Variants in AP1B1 observed in about 807,000 individuals in gnomAD.
AP1B1 encodes AP-1 complex subunit beta-1.
In AP1B1, 36 loss-of-function variants were observed where a neutral mutation model predicts 104.3. That is an observed-to-expected ratio of 0.35 (90% CI 0.26 to 0.46). The LOEUF (loss-of-function observed/expected upper bound fraction) is 0.46, where lower values mean the gene tolerates loss of function less well. Ranked by LOEUF, AP1B1 falls within the 20% of genes least tolerant of loss-of-function variation. The probability of loss-of-function intolerance (pLI) is 1.00; values close to 1 mark genes in which losing one functional copy is unlikely to be tolerated. For synonymous variants in AP1B1, 504 were observed against 517.5 expected, an observed-to-expected ratio of 0.97 and a Z score of 0.35; for missense variants, 901 against 1,247.9, an observed-to-expected ratio of 0.72 and a Z score of 4.19.
rs536049719 is a variant in AP1B1 at position 29,358,583 on chromosome 22, C to T, written c.525+143G>A. On this transcript the variant is annotated intron_variant, in intron 5 of 22. Transcript: ENST00000357586. The stretch of plus-strand genomic sequence containing the variant: ...CCCTCCAGAGAGGGTGCCTGAACCA[C>T]CAAAAGGCACAAGAACAACTGGCAC... The T allele has an allele frequency of 1.1e-5, 13 of 1,187,110 alleles. No homozygotes were observed. In the African/African-American group the frequency reaches 1.5e-4, roughly 14 times the overall value. The allele number at this position is 1,187,110 out of a possible 1,614,324, so 73.5% of individuals were successfully genotyped here.
intron 21 of AP1B1, 115 bp from the exon 22 acceptor site, chr22:29,329,835 G>A (rs1030154684): frequency 2.5e-5 from 38 of 1,544,432 alleles, no homozygotes; most frequent in Non-Finnish European, 3.2e-5. Flanking sequence ...CTGCCAGCAG[G>A]ACCCAGGAGG....
intron 17 of AP1B1, 39 bp downstream of exon 17, chr22:29,334,226 C>G: frequency 3.3e-6 from 5 of 1,538,118 alleles, no homozygotes; most frequent in Middle Eastern, 3.5e-4. Context: ...TCTCACAGGC[C>G]TCCTCTTGAG....
In AP1B1 at chr22:29,329,629, CAGGAGA is replaced by C; in HGVS notation, c.2775+77_2775+82del. On this transcript the variant is annotated intron_variant, in intron 22 of 22. Transcript: ENST00000357586. ...GTGAGGCCAAGAGATGAGGTGCAGA[CAGGAGA>C]CATGGGGTGCATGGGGGCCATGACA... The C allele has an allele frequency of 4.4e-6, 7 of 1,599,968 alleles. No individual in the cohort carries two copies. The Middle Eastern group carries it at 1.2e-3, about 267-fold the overall frequency.
At position 29,358,943 on chromosome 22, in the gene AP1B1, C is replaced by T. The variant is rs771610536; in HGVS notation, c.308G>A (p.Arg103Gln). ...GCCCATGGTCCGCACTGCCAGGGCT[C>T]GGATGAGGGGGTTGGGGTCCTCACA... ...KDCEDPNPLI[R>Q]ALAVRTMGCI... Residue 103 changes from arginine to glutamine, a missense_variant, in exon 5 of 23, where the codon CGA (arginine) becomes CAA (glutamine). This residue lies in a region of AP1B1 where 471 missense variants were observed against 696.7 expected (regional missense o/e 0.68). Coordinates refer to ENST00000357586, the MANE Select transcript of AP1B1 (RefSeq NM_001127.4). The T allele has an allele frequency of 4.3e-6, 7 of 1,611,530 alleles. No individual in the cohort carries two copies. The highest frequency in any genetic ancestry group is 2.2e-5 in the East Asian group (1 of 44,820).
At chr22:29,380,214 C>T (rs2062415197) in intron 1 of AP1B1, among the ~76,000 whole-genome samples, 1 of 152,176 alleles carries the variant, frequency 6.6e-6, no homozygotes, top group African/African-American at 2.4e-5. Flanking sequence ...ATGCTCTCTG[C>T]CTGCCCTCCT....
At chr22:29,371,672 G>A (rs1054728500) in intron 1 of AP1B1, among the ~76,000 whole-genome samples, 2 of 152,046 alleles carry the variant, frequency 1.3e-5, no homozygotes, top group Non-Finnish European at 2.9e-5. Flanking sequence ...AGCTTGCAGT[G>A]AGCAGAGATC....
intron 1 of AP1B1, among the ~76,000 whole-genome samples, chr22:29,385,040 G>A (rs2062499628): frequency 6.6e-6 from 1 of 152,104 alleles, no homozygotes; most frequent in Non-Finnish European, 1.5e-5. Flanking sequence ...GGGAGAGCAG[G>A]AAATGGTGTT....
chr22:29,363,149 G>A (rs776785593), intron 2 of AP1B1, 43 bp from the exon 3 acceptor site: 1 of 884,162 alleles, frequency 1.1e-6, no homozygotes, highest in Non-Finnish European at 1.9e-6. Context: ...CCCTACCCTG[G>A]CAGGGGACAA....
chr22:29,346,557 G>A (rs762306513), intron 11 of AP1B1, among the ~76,000 whole-genome samples: 10 of 152,224 alleles, frequency 6.6e-5, no homozygotes, highest in Non-Finnish European at 1.2e-4. Flanking sequence ...CTGACAGGAG[G>A]CGGAGCTGAG....
intron 1 of AP1B1, among the ~76,000 whole-genome samples, chr22:29,371,659 C>T (rs1268573525): frequency 6.6e-6 from 1 of 151,644 alleles, no homozygotes; most frequent in African/African-American, 2.4e-5. Flanking sequence ...AACCCAGAGG[C>T]GGAGCTTGCA....
chr22:29,366,882 A>AC (rs1569163401), intron 2 of AP1B1, among the ~76,000 whole-genome samples: 3 of 138,068 alleles, frequency 2.2e-5, no homozygotes, highest in Admixed American at 7.2e-5. Flanking sequence ...ACACACACAC[A>AC]ACTGCTGTGG....
At chr22:29,330,050 G>A in intron 21 of AP1B1, 1 of 1,407,456 alleles carries the variant, frequency 7.1e-7, no homozygotes, top group African/African-American at 1.4e-5. Context: ...GGACATGCAG[G>A]CACTCACAGG....
chr22:29,345,987 A>AT (rs1214379247), intron 11 of AP1B1, among the ~76,000 whole-genome samples: 11 of 152,210 alleles, frequency 7.2e-5, no homozygotes, highest in African/African-American at 2.7e-4. Context: ...CCTGGCCCTA[A>AT]CAAGTATTCT....
chr22:29,359,738 T>C, intron 4 of AP1B1, 86 bp downstream of exon 4: 4 of 1,521,664 alleles, frequency 2.6e-6, no homozygotes, highest in Non-Finnish European at 3.5e-6. Flanking sequence ...CTCCATCCAG[T>C]GCCACAGGGC....
chr22:29,350,289 T>G, intron 9 of AP1B1, 139 bp from the exon 10 acceptor site: 2 of 646,404 alleles, frequency 3.1e-6, no homozygotes, highest in Non-Finnish European at 5.5e-6. Context: ...AGGAGAACCC[T>G]CTCCCCAGGT....
intron 15 of AP1B1, 109 bp downstream of exon 15, chr22:29,339,645 C>T (rs185648874): frequency 1.7e-6 from 2 of 1,185,194 alleles, no homozygotes. Flanking sequence ...AGGGGCTCAG[C>T]AGGTGGAGGC....
At chr22:29,366,971 CT>C (rs1000372487) in intron 2 of AP1B1, among the ~76,000 whole-genome samples, 47 of 152,108 alleles carry the variant, frequency 3.1e-4, no homozygotes, top group African/African-American at 1.1e-3. Context: ...TAAAAGGGCA[CT>C]TTTTTTCCCC....
At chr22:29,329,451 G>A in intron 22 of AP1B1, 1 of 1,372,510 alleles carries the variant, frequency 7.3e-7, no homozygotes, top group Non-Finnish European at 9.4e-7. Context: ...GCAGGGTGCA[G>A]TTAGGAAGTG....
At chr22:29,359,760 G>A (rs1156486454) in intron 4 of AP1B1, 64 bp downstream of exon 4, 9 of 1,556,732 alleles carry the variant, frequency 5.8e-6, no homozygotes, top group Non-Finnish European at 7.8e-6. Context: ...CCGCCCCAAA[G>A]AGACTGAGGG....
Sources: gnomAD v4.1 joint callset for allele counts (sites outside exome capture counted in the v4.1 genomes callset) on GRCh38, gnomAD v4.1.1 for gene constraint, gnomAD v4.1.1 regional missense constraint, MANE v1.5 for transcripts, NCBI Gene and HGNC (gene_info 2026-07-23, HGNC 2026-07-21) for gene names.